The following PI4KB variants were observed in gnomAD, a reference collection of about 807,000 sequenced individuals.
PI4KB encodes PtdIns 4-kinase beta.
A neutral mutation model predicts 81.4 loss-of-function variants in PI4KB; 23 were observed. The ratio of observed to expected loss-of-function variants is 0.28; its 90% confidence interval spans 0.20 to 0.40. PI4KB has a LOEUF of 0.40. PI4KB is among the 10% of genes least tolerant of loss of function. The pLI is 1.00. For missense variants in PI4KB, 651 were observed against 1,036.6 expected (o/e 0.63, Z 5.11); for synonymous variants, 381 against 406.8 (o/e 0.94, Z 0.76).
At chr1:151,327,685 T>C (rs914916210), upstream of PI4KB, 7 of 306,064 alleles carry the variant, frequency 2.3e-5, no homozygotes, top group South Asian at 1.6e-4. Context: ...GCCTGGAACA[T>C]GCCTGTTCAG....
At position 151,315,666 on chromosome 1, in the gene PI4KB, G is replaced by A. The variant is rs1176713179; in HGVS notation, c.816C>T (p.His272=). 3 of 1,613,972 alleles carry A rather than the reference G, an allele frequency of 1.9e-6. No homozygotes were observed. The highest frequency in any genetic ancestry group is 2.5e-6 in the Non-Finnish European group (3 of 1,179,986). Residue 272 remains histidine (H), a synonymous_variant, in exon 2 of 12, where the codon CAC becomes CAT. Coordinates refer to ENST00000368873, the MANE Select transcript of PI4KB (RefSeq NM_001369623.2). ...DTGLSPSKRT[H]QRSKSDATAS... is the part of the protein sequence containing the mutation. ...CAGTGGCATCTGACTTAGAGCGCTG[G>A]TGAGTCCTTTTGGAGGGAGACAGCC...
At chr1:151,325,648 C>T (rs1432305698) in intron 1 of PI4KB, among the ~76,000 whole-genome samples, 3 of 152,180 alleles carry the variant, frequency 2.0e-5, no homozygotes, top group African/African-American at 7.2e-5. Flanking sequence ...ATGAAGGAAG[C>T]AGGCCTGGAG....
At chr1:151,298,729 A>C in intron 9 of PI4KB, 79 bp downstream of exon 9, 1 of 1,425,142 alleles carries the variant, frequency 7.0e-7, no homozygotes, top group Non-Finnish European at 9.7e-7. Context: ...GAGGGCAGTA[A>C]TAAGTAATTG....
rs1188541621 is a variant in PI4KB at position 151,307,743 on chromosome 1, C to T, written c.1013G>A (p.Arg338Gln). 4.3e-6 allele frequency: 7 copies of T among 1,614,104 alleles called. No individual in the cohort carries two copies. Among genetic ancestry groups the T allele is most frequent in the South Asian group, 2.2e-5 (2 of 91,066 alleles). The stretch of plus-strand genomic sequence containing the variant: ...CTCTTTGGTGGGGAGCGTGGCCAGC[C>T]GCTTGCCGATCGCCATCAGGGACTT... ...FIKSLMAIGK[R>Q]LATLPTKEQK... The change falls in exon 4 of 12, where the codon CGG (arginine) becomes CAG (glutamine). Residue 338 changes from arginine (R) to glutamine (Q), a missense_variant. By Grantham distance (43) the Arg-to-Gln change is conservative (BLOSUM62 1). Transcript: ENST00000368873.
chr1:151,296,952 T>C (rs1273733937), intron 9 of PI4KB, among the ~76,000 whole-genome samples: 2 of 152,004 alleles, frequency 1.3e-5, no homozygotes, highest in African/African-American at 4.8e-5. Flanking sequence ...ATTTTTGGTA[T>C]TTTTAGTAGA....
At chr1:151,326,007 C>T (rs1649558257) in intron 1 of PI4KB, among the ~76,000 whole-genome samples, 1 of 152,170 alleles carries the variant, frequency 6.6e-6, no homozygotes, top group African/African-American at 2.4e-5. Flanking sequence ...TATACCCTTA[C>T]CCCACTCCAG....
At position 151,304,344 on chromosome 1, in the gene PI4KB, T is replaced by TG. The variant is rs890987395; in HGVS notation, c.1411-695_1411-694insC. On this transcript the variant is annotated intron_variant, in intron 5 of 11. Coordinates refer to ENST00000368873, the MANE Select transcript of PI4KB (RefSeq NM_001369623.2). ...TGGCAAAGTGAAACCTGGCTGTGTG[T>TG]TTTTTTTTTTTTTTTTTAGACGGAG... Among the ~76,000 whole-genome samples, 13 of 20,860 alleles carry TG rather than the reference T, an allele frequency of 6.2e-4. No homozygotes were observed. The East Asian group carries it at 0.013, about 21-fold the overall frequency. 13.7% of individuals were successfully genotyped at this position (20,860 alleles called of 152,430 possible).
In PI4KB at chr1:151,316,030, G is replaced by A; in HGVS notation, c.452C>T (p.Ser151Phe). The A allele has an allele frequency of 6.2e-7, 1 of 1,614,180 alleles. No homozygotes were observed. The highest frequency in any genetic ancestry group is 8.5e-7 in the Non-Finnish European group (1 of 1,180,024). The change falls in exon 2 of 12, where the codon TCC becomes TTC. Residue 151 changes from serine (S) to phenylalanine (F), a missense_variant. Physicochemically the swap from Ser to Phe is radical, Grantham distance 155. Around this residue, in one of 5 missense-constraint regions of PI4KB, gnomAD observed 314 missense variants for 397.8 expected, o/e 0.79. Transcript: ENST00000368873. Reference sequence around the variant, plus strand: ...GTAGGCTTGTACTCCAGGCTCCTTGGAGTTATACAGGTATGAAATGGCCAT... The same window carrying A: ...GTAGGCTTGTACTCCAGGCTCCTTGAAGTTATACAGGTATGAAATGGCCAT... ...ISMAISYLYN[S>F]KEPGVQAYIG...
chr1:151,296,258 C>A (rs746287787), intron 9 of PI4KB, among the ~76,000 whole-genome samples: 6 of 152,170 alleles, frequency 3.9e-5, no homozygotes, highest in East Asian at 3.9e-4. Context: ...CACACACACA[C>A]AAAAATATTA....
intron 5 of PI4KB, among the ~76,000 whole-genome samples, chr1:151,304,600 CT>C (rs1312560088): frequency 6.6e-6 from 1 of 151,970 alleles, no homozygotes; most frequent in African/African-American, 2.4e-5. Context: ...CCACCTCAGC[CT>C]CCCGAAGTGC....
rs1695325418 is a variant in PI4KB, at chr1:151,301,975, G to A, written c.1626-8C>T. 3 of 1,613,216 alleles carry A rather than the reference G, an allele frequency of 1.9e-6. No individual in the cohort carries two copies. The highest frequency in any genetic ancestry group is 4.5e-5 in the East Asian group (2 of 44,896). ...GAGCCCTCTCTGATCCGCCTGTGAA[G>A]ACAGAAGTAAAGGGTGTCAAAGGTT... On this transcript the variant is annotated splice_polypyrimidine_tract_variant and splice_region_variant and intron_variant, in intron 7 of 11. Transcript: ENST00000368873.
chr1:151,307,854 T>G, intron 3 of PI4KB, 53 bp from the exon 4 acceptor site: 1 of 1,335,864 alleles, frequency 7.5e-7, no homozygotes, highest in Admixed American at 1.7e-5. Flanking sequence ...TAGAATACAA[T>G]GGCACACCCA....
At chr1:151,308,364 G>A (rs1438246270) in intron 3 of PI4KB, among the ~76,000 whole-genome samples, 2 of 152,154 alleles carry the variant, frequency 1.3e-5, no homozygotes, top group Non-Finnish European at 2.9e-5. Flanking sequence ...CCCCCTGTCC[G>A]TCCCACAATC....
At position 151,303,563 on chromosome 1, in the gene PI4KB, A is replaced by G; in HGVS notation, c.1498T>C (p.Phe500Leu). 1 of 1,612,038 alleles carries G rather than the reference A, an allele frequency of 6.2e-7. No homozygotes were observed. ...ITSQESKEPV[F>L]IAAGDIRRRL... ...TACCGGATGTCCCCTGCTGCAATGAACACAGGCTCCTTGCTCTCCTGGCTG... is the reference window on the plus strand; with the variant it reads ...TACCGGATGTCCCCTGCTGCAATGAGCACAGGCTCCTTGCTCTCCTGGCTG... The change falls in exon 6 of 12, where the codon TTC (phenylalanine) becomes CTC (leucine). Residue 500 changes from phenylalanine (F) to leucine (L), a missense_variant. Around this residue, in one of 5 missense-constraint regions of PI4KB, gnomAD observed 246 missense variants for 430.1 expected, o/e 0.57. Transcript: ENST00000368873.
At position 151,299,077 on chromosome 1, in the gene PI4KB, T is replaced by C. The variant is rs751623454; in HGVS notation, c.1750-4A>G. ...CTCGCTCCTGTTCCCAAATGGACTG[T>C]GAGGAGACATGGAGGATACAGGACT... is the stretch of plus-strand genomic sequence containing the variant. On this transcript the variant is annotated splice_region_variant and splice_polypyrimidine_tract_variant and intron_variant, in intron 8 of 11. Coordinates refer to ENST00000368873, the MANE Select transcript of PI4KB (RefSeq NM_001369623.2). 4 of 1,613,194 alleles carry C rather than the reference T, an allele frequency of 2.5e-6. No individual in the cohort carries two copies. The South Asian group carries it at 4.4e-5, about 18-fold the overall frequency.
intron 1 of PI4KB, chr1:151,326,171 C>A (rs763160212): frequency 1.2e-6 from 2 of 1,613,172 alleles, no homozygotes; most frequent in Non-Finnish European, 1.7e-6. Flanking sequence ...AGTTTTCTCA[C>A]AATCTCATTC....
At position 151,302,278 on chromosome 1, in the gene PI4KB, A is replaced by T. The variant is rs766301277; in HGVS notation, c.1541T>A (p.Leu514Gln). The stretch of plus-strand genomic sequence containing the variant: ...TTTGAAGGCTGTCGGGGTATGAGCC[A>T]GCTGTTCCGAAAGGCGCCGGCTGGC... ...GDIRRRLSEQ[L>Q]AHTPTAFKRD... The change falls in exon 7 of 12, where the codon CTG becomes CAG. Residue 514 changes from leucine to glutamine, a missense_variant. By Grantham distance (113) the Leu-to-Gln change is moderately radical. This residue lies in a region of PI4KB where 246 missense variants were observed against 430.1 expected (regional missense o/e 0.57). Transcript: ENST00000368873. 1.2e-6 allele frequency: 2 copies of T among 1,614,116 alleles called. No homozygotes were observed. Among genetic ancestry groups the T allele is most frequent in the Non-Finnish European group, 1.7e-6 (2 of 1,179,974 alleles).
At chr1:151,302,570 T>C (rs909585972) in intron 6 of PI4KB, among the ~76,000 whole-genome samples, 7 of 149,858 alleles carry the variant, frequency 4.7e-5, no homozygotes, top group African/African-American at 1.7e-4. Flanking sequence ...CATTTTTCTT[T>C]TCTTTTCTTT....
At chr1:151,314,624 A>C (rs1647630429) in intron 2 of PI4KB, among the ~76,000 whole-genome samples, 1 of 152,196 alleles carries the variant, frequency 6.6e-6, no homozygotes, top group South Asian at 2.1e-4. Context: ...CCCAAATGGT[A>C]TGGGAAAGAT....
Sources: gnomAD v4.1 joint callset for allele counts (sites outside exome capture counted in the v4.1 genomes callset) on GRCh38, gnomAD v4.1.1 for gene constraint, gnomAD v4.1.1 regional missense constraint, MANE v1.5 for transcripts, NCBI Gene and HGNC (gene_info 2026-07-23, HGNC 2026-07-21) for gene names.